ERI1: variants seen among roughly 807,000 people sequenced by gnomAD.
ERI1 encodes the protein exoribonuclease 1.
In ERI1, 39 loss-of-function variants were observed where a neutral mutation model predicts 39.7. The ratio of observed to expected loss-of-function variants is 0.98; its 90% CI spans 0.76 to 1.28. ERI1 has a LOEUF of 1.28. Among genes scored for constraint, ERI1 ranks in the 50% most tolerant of loss-of-function variants. ERI1 has a pLI of 0.00. For synonymous variants in ERI1, 204 were observed against 149.6 expected, an observed-to-expected ratio of 1.36 and a Z score of -2.65; for missense variants, 581 against 416.9, an observed-to-expected ratio of 1.39 and a Z score of -3.43.
At chr8:9,071,776 C>T (rs1203781852) in intron 3 of ERI1, among the ~76,000 whole-genome samples, 1 of 152,180 alleles carries the variant, frequency 6.6e-6, no homozygotes, top group East Asian at 1.9e-4. Context: ...AATAGAATGA[C>T]AGAGAGAGAC....
intron 3 of ERI1, among the ~76,000 whole-genome samples, chr8:9,091,694 A>G (rs1248292376): frequency 6.6e-6 from 1 of 152,210 alleles, no homozygotes; most frequent in Non-Finnish European, 1.5e-5. Context: ...AGAGTTTTCA[A>G]AAGAATCCCA....
rs893312817 is a variant in ERI1 at position 9,079,398 on chromosome 8, C to T, written n.300-36950C>T. On this transcript the variant is annotated intron_variant and non_coding_transcript_variant, in intron 3 of 3. Coordinates refer to the ERI1 transcript ENST00000518663. ...ATTTTCCCTAAACAAATGCATTGTT[C>T]TAAAGAAGAAAACAAATACATGTGA... Among the ~76,000 whole-genome samples the T allele has an allele frequency of 5.9e-5, 9 of 152,248 alleles. No homozygotes were observed. In the South Asian group the frequency reaches 1.5e-3, roughly 25 times the overall value.
At chr8:9,025,956 G>T (rs770815530) in intron 6 of ERI1, among the ~76,000 whole-genome samples, 12 of 152,138 alleles carry the variant, frequency 7.9e-5, no homozygotes, top group Non-Finnish European at 1.3e-4. Context: ...ATGAAACAGT[G>T]TATGTACATT....
At chr8:9,019,441 T>C (rs1485783271) in intron 5 of ERI1, among the ~76,000 whole-genome samples, 1 of 152,240 alleles carries the variant, frequency 6.6e-6, no homozygotes, top group Non-Finnish European at 1.5e-5. Context: ...TGAGCAGTGC[T>C]CTGCTAAAGT....
chr8:9,076,610 T>C (rs968362302), intron 3 of ERI1, among the ~76,000 whole-genome samples: 1 of 152,228 alleles, frequency 6.6e-6, no homozygotes, highest in African/African-American at 2.4e-5. Context: ...TTTCTTTAAA[T>C]TATCCATTGC....
chr8:9,064,660 G>A (rs1468279678), intron 3 of ERI1, among the ~76,000 whole-genome samples: 3 of 152,210 alleles, frequency 2.0e-5, no homozygotes, highest in Non-Finnish European at 4.4e-5. Flanking sequence ...TTTAAAATTG[G>A]TGAGTTGTTC....
chr8:9,094,523 C>G (rs1009241113), intron 3 of ERI1, among the ~76,000 whole-genome samples: 1 of 152,224 alleles, frequency 6.6e-6, no homozygotes, highest in Non-Finnish European at 1.5e-5. Flanking sequence ...GAGATTGGCT[C>G]TGTTCCCTCT....
chr8:9,042,263 C>A (rs1309443021), intron 3 of ERI1, among the ~76,000 whole-genome samples: 1 of 152,126 alleles, frequency 6.6e-6, no homozygotes, highest in Non-Finnish European at 1.5e-5. Flanking sequence ...CTTGGTCCTC[C>A]CTTTGCGATA....
chr8:9,052,452 G>C (rs1324511564), intron 3 of ERI1, among the ~76,000 whole-genome samples: 2 of 152,112 alleles, frequency 1.3e-5, no homozygotes, highest in East Asian at 1.9e-4. Flanking sequence ...AACTCGCCTA[G>C]AGCACTGAGT....
At chr8:9,043,302 C>T (rs1356876103) in intron 3 of ERI1, among the ~76,000 whole-genome samples, 1 of 152,148 alleles carries the variant, frequency 6.6e-6, no homozygotes, top group East Asian at 1.9e-4. Context: ...GCAGCACCCT[C>T]CCCCAACCAC....
At position 9,046,088 on chromosome 8, in the gene ERI1, A is replaced by G. The variant is rs147238227; in HGVS notation, n.299+25624A>G. ...ATTCATTTAAAAATTAAATTAAGAA[A>G]ACAAATTCCCACAGGTAACTGTGAT... On this transcript the variant is annotated intron_variant and non_coding_transcript_variant, in intron 3 of 3. Coordinates refer to the ERI1 transcript ENST00000518663. Among the ~76,000 whole-genome samples, 9 of 152,298 alleles carry G rather than the reference A, an allele frequency of 5.9e-5. No individual in the cohort carries two copies. The East Asian group carries it at 1.7e-3, about 29-fold the overall frequency.
downstream of ERI1, among the ~76,000 whole-genome samples, chr8:9,034,418 G>T (rs1391250635): frequency 6.6e-6 from 1 of 152,140 alleles, no homozygotes; most frequent in Non-Finnish European, 1.5e-5. Flanking sequence ...GTCTATTTAT[G>T]TCATTTTCCC....
chr8:9,045,330 G>A (rs113000630), intron 3 of ERI1, among the ~76,000 whole-genome samples: 1,773 of 151,530 alleles, frequency 0.012, 38 homozygotes, highest in South Asian at 0.092. Flanking sequence ...CCAGTGCTCT[G>A]TAGGGTAGGG....
intron 3 of ERI1, among the ~76,000 whole-genome samples, chr8:9,070,216 G>A (rs897172818): frequency 1.3e-5 from 2 of 151,718 alleles, no homozygotes; most frequent in African/African-American, 2.4e-5. Flanking sequence ...TCCAACCTGG[G>A]TGAGAGTGAG....
chr8:9,022,983 C>G (rs1818075560), intron 6 of ERI1, among the ~76,000 whole-genome samples: 1 of 152,156 alleles, frequency 6.6e-6, no homozygotes, highest in Non-Finnish European at 1.5e-5. Context: ...AGCTACCATA[C>G]CATTGTGACA....
At chr8:9,065,124 A>G (rs1174693994) in intron 3 of ERI1, among the ~76,000 whole-genome samples, 7 of 152,014 alleles carry the variant, frequency 4.6e-5, no homozygotes, top group Non-Finnish European at 1.0e-4. Context: ...TAAGGCAGGA[A>G]CCGGCCATCT....
intron 3 of ERI1, chr8:9,072,335 A>G (rs773128000): frequency 7.9e-5 from 12 of 152,174 alleles, no homozygotes; most frequent in Non-Finnish European, 1.5e-4. Context: ...TATAATTCAC[A>G]TACCATACAG....
chr8:9,020,291 AT>A, intron 5 of ERI1, 58 bp from the exon 6 acceptor site: 1 of 844,766 alleles, frequency 1.2e-6, no homozygotes. Flanking sequence ...TAAAATACTC[AT>A]TTGTAAGAAT....
downstream of ERI1, among the ~76,000 whole-genome samples, chr8:9,034,773 A>G (rs900235907): frequency 1.3e-5 from 2 of 152,214 alleles, no homozygotes; most frequent in African/African-American, 4.8e-5. Context: ...GATTAATCTT[A>G]AAGAGGAAGG....
Sources: allele counts gnomAD v4.1 joint callset (sites outside exome capture counted in the v4.1 genomes callset), GRCh38; gene constraint gnomAD v4.1.1; transcripts MANE v1.5; gene names NCBI Gene and HGNC (gene_info 2026-07-23, HGNC 2026-07-21).